Variants in SLCO5A1 observed in about 807,000 individuals in gnomAD.
The protein encoded by SLCO5A1 is solute carrier organic anion transporter family member 5A1, also known as organic anion transporter polypeptide-related protein 4.
SLCO5A1 carries 39 observed loss-of-function variants against 65.1 expected under a neutral mutation model. That is an observed-to-expected ratio of 0.60 (90% confidence interval 0.46 to 0.78). The LOEUF (loss-of-function observed/expected upper bound fraction) is 0.78, where lower values mean the gene tolerates loss of function less well. SLCO5A1 is among the 30% of genes least tolerant of loss of function. The pLI is 0.00. For synonymous variants in SLCO5A1, 438 were observed against 415.7 expected (o/e 1.05, Z -0.65); for missense variants, 1,029 against 1,069.4 (o/e 0.96, Z 0.53).
intron 2 of SLCO5A1, among the ~76,000 whole-genome samples, chr8:69,790,852 C>T (rs1819237581): frequency 1.3e-5 from 2 of 152,144 alleles, no homozygotes; most frequent in South Asian, 4.1e-4. Context: ...ATCATAAACA[C>T]AACTGCTGCC....
intron 6 of SLCO5A1, among the ~76,000 whole-genome samples, chr8:69,687,903 G>C (rs1422409720): frequency 2.0e-5 from 3 of 151,346 alleles, no homozygotes; most frequent in African/African-American, 7.3e-5. Context: ...TTAATATAAG[G>C]GTATAGAAAG....
chr8:69,724,401 A>C (rs1815968226), intron 5 of SLCO5A1, among the ~76,000 whole-genome samples: 1 of 152,240 alleles, frequency 6.6e-6, no homozygotes, highest in East Asian at 1.9e-4. Flanking sequence ...ATCAAAAATC[A>C]AACATAAATT....
intron 6 of SLCO5A1, among the ~76,000 whole-genome samples, chr8:69,682,988 GT>G (rs1813848039): frequency 6.6e-6 from 1 of 152,212 alleles, no homozygotes; most frequent in Non-Finnish European, 1.5e-5. Flanking sequence ...GATTGCCCCG[GT>G]GTGGATCCAC....
chr8:69,736,196 C>A (rs1313667514), intron 5 of SLCO5A1, among the ~76,000 whole-genome samples: 2 of 152,218 alleles, frequency 1.3e-5, no homozygotes, highest in African/African-American at 4.8e-5. Context: ...ACTTTCCTGG[C>A]CAAGTGGGAC....
chr8:69,737,476 T>G (rs1283565833), intron 5 of SLCO5A1, among the ~76,000 whole-genome samples: 1 of 152,194 alleles, frequency 6.6e-6, no homozygotes, highest in East Asian at 1.9e-4. Context: ...AGCATCCAAT[T>G]TATTATGAAA....
intron 6 of SLCO5A1, among the ~76,000 whole-genome samples, chr8:69,690,698 A>T (rs1814223516): frequency 6.6e-6 from 1 of 152,176 alleles, no homozygotes; most frequent in Non-Finnish European, 1.5e-5. Context: ...TTCAGAGAAG[A>T]TACTTTAGGG....
At chr8:69,705,710 T>C (rs754701565) in intron 5 of SLCO5A1, among the ~76,000 whole-genome samples, 1 of 152,238 alleles carries the variant, frequency 6.6e-6, no homozygotes, top group Non-Finnish European at 1.5e-5. Flanking sequence ...ACGAATGTAA[T>C]GTATAAAATT....
chr8:69,688,345 T>C (rs1210853502), intron 6 of SLCO5A1, among the ~76,000 whole-genome samples: 1 of 152,072 alleles, frequency 6.6e-6, no homozygotes, highest in Admixed American at 6.5e-5. Context: ...TTTTTTTTAT[T>C]ATTATTATAC....
chr8:69,675,958 C>T (rs1449375842), intron 9 of SLCO5A1, among the ~76,000 whole-genome samples: 1 of 152,056 alleles, frequency 6.6e-6, no homozygotes. Flanking sequence ...TGCTTATTTC[C>T]CATTGTCTCA....
intron 2 of SLCO5A1, among the ~76,000 whole-genome samples, chr8:69,773,260 A>G (rs1293081848): frequency 6.6e-6 from 1 of 152,196 alleles, no homozygotes; most frequent in African/African-American, 2.4e-5. Context: ...TGACGGCAGT[A>G]CAGAACTGGC....
intron 2 of SLCO5A1, among the ~76,000 whole-genome samples, chr8:69,831,259 TAAAAAGAAAAAAAAA>T (rs947758695): frequency 5.8e-5 from 3 of 51,544 alleles, no homozygotes; most frequent in Non-Finnish European, 1.2e-4. Context: ...GACTCCATCT[TAAAAAGAAAAAAAAA>T]AAAAAGAAAA....
intron 4 of SLCO5A1, among the ~76,000 whole-genome samples, chr8:69,753,846 G>GC (rs1817431703): frequency 7.2e-6 from 1 of 139,248 alleles, no homozygotes; most frequent in South Asian, 2.3e-4. Flanking sequence ...TACCATCTCT[G>GC]CTAAAAAAAA....
intron 2 of SLCO5A1, among the ~76,000 whole-genome samples, chr8:69,802,834 C>T (rs762756382): frequency 2.6e-5 from 4 of 152,154 alleles, no homozygotes; most frequent in Non-Finnish European, 5.9e-5. Context: ...GCCCTTATAC[C>T]AGACAAACAT....
chr8:69,787,038 C>G (rs1188427759), intron 2 of SLCO5A1, among the ~76,000 whole-genome samples: 1 of 152,158 alleles, frequency 6.6e-6, no homozygotes, highest in Non-Finnish European at 1.5e-5. Flanking sequence ...GAGCAGCTGC[C>G]CCCTGCTGAC....
At chr8:69,741,387 C>T (rs936954100) in intron 4 of SLCO5A1, among the ~76,000 whole-genome samples, 7 of 152,104 alleles carry the variant, frequency 4.6e-5, no homozygotes, top group African/African-American at 1.2e-4. Flanking sequence ...GACTGGTTGA[C>T]GATTATGTTG....
chr8:69,683,282 G>A (rs1813859520), intron 6 of SLCO5A1, among the ~76,000 whole-genome samples: 1 of 152,132 alleles, frequency 6.6e-6, no homozygotes, highest in South Asian at 2.1e-4. Flanking sequence ...CTGATGAAAT[G>A]TTGTTCCCAA....
chr8:69,761,479 C>A, intron 3 of SLCO5A1: 1 of 385,918 alleles, frequency 2.6e-6, no homozygotes, highest in Non-Finnish European at 4.6e-6. Context: ...TTACACTGGG[C>A]CCACCCAGGT....
chr8:69,682,804 A>G (rs1813840678), intron 6 of SLCO5A1, among the ~76,000 whole-genome samples: 2 of 152,244 alleles, frequency 1.3e-5, no homozygotes, highest in South Asian at 2.1e-4. Flanking sequence ...CATCTATCCC[A>G]GTTATTAATA....
At chr8:69,776,219 G>A (rs914054252) in intron 2 of SLCO5A1, among the ~76,000 whole-genome samples, 2 of 152,026 alleles carry the variant, frequency 1.3e-5, no homozygotes, top group Non-Finnish European at 2.9e-5. Context: ...ACTATATTAT[G>A]TATATAATAG....
Sources: allele counts gnomAD v4.1 joint callset (sites outside exome capture counted in the v4.1 genomes callset), GRCh38; gene constraint gnomAD v4.1.1; transcripts MANE v1.5; gene names NCBI Gene and HGNC (gene_info 2026-07-23, HGNC 2026-07-21).